Variants in RAVER2 observed in about 807,000 individuals in gnomAD.
The protein encoded by RAVER2 is ribonucleoprotein, PTB binding 2.
Under a neutral mutation model 78.1 loss-of-function variants are expected in RAVER2, and 46 were observed. The ratio of observed to expected loss-of-function variants is 0.59; its 90% CI spans 0.46 to 0.75. RAVER2 has a LOEUF of 0.75. RAVER2 is among the 30% of genes least tolerant of loss of function. The pLI is 0.00. For missense variants in RAVER2, 793 were observed against 837.5 expected, an observed-to-expected ratio of 0.95 and a Z score of 0.66; for synonymous variants, 311 against 313.3, an observed-to-expected ratio of 0.99 and a Z score of 0.08.
chr1:64,745,481 C>G lies in RAVER2; in HGVS notation c.249+60C>G, dbSNP rs983919905. The stretch of plus-strand genomic sequence containing the variant: ...GGGGCGGCGGGGCGGCGCTCCGTGT[C>G]CAGGCTGGGATCGGGGGCGCCTCAG... On this transcript the variant is annotated intron_variant, in intron 1 of 11. Coordinates refer to ENST00000294428, the Ensembl canonical transcript of RAVER2. The surrounding 1 kb of genome is among the most constrained non-coding windows in gnomAD (Gnocchi z 4.3). 6 of 1,461,444 alleles carry G rather than the reference C, an allele frequency of 4.1e-6. No individual in the cohort carries two copies. Among genetic ancestry groups the G allele is most frequent in the Admixed American group, 2.1e-5 (1 of 46,828 alleles). The allele number at this position is 1,461,444 out of a possible 1,614,324, so 90.5% of individuals were successfully genotyped here. A position where few individuals can be genotyped will look rare whatever the true frequency, so the allele number is the denominator to read the frequency against.
chr1:64,814,968 T>A, intron 11 of RAVER2, 128 bp downstream of exon 11: 1 of 783,966 alleles, frequency 1.3e-6, no homozygotes, highest in Non-Finnish European at 1.8e-6. Flanking sequence ...GATCTATGTA[T>A]TTCTTACTCA....
intron 2 of RAVER2, among the ~76,000 whole-genome samples, chr1:64,776,266 AAG>A (rs1652460042): frequency 1.3e-5 from 2 of 152,214 alleles, no homozygotes; most frequent in South Asian, 4.1e-4. Flanking sequence ...GTTAGAAACT[AAG>A]AGATAGCCTT....
intron 3 of RAVER2, among the ~76,000 whole-genome samples, chr1:64,779,973 C>T (rs1047480925): frequency 1.3e-5 from 2 of 151,898 alleles, no homozygotes; most frequent in Admixed American, 1.3e-4. Context: ...AAATAGCCCT[C>T]TCTGAAACTA....
intron 5 of RAVER2, among the ~76,000 whole-genome samples, chr1:64,795,029 A>G (rs529631589): frequency 3.9e-5 from 6 of 151,916 alleles, no homozygotes; most frequent in African/African-American, 1.4e-4. Context: ...TTTTTTTTAC[A>G]TATAGTTATA....
chr1:64,803,514 G>A (rs1276394737), intron 6 of RAVER2, among the ~76,000 whole-genome samples: 1 of 152,034 alleles, frequency 6.6e-6, no homozygotes, highest in African/African-American at 2.4e-5. Context: ...TTTTAAATGT[G>A]TGTTTATAGA....
intron 4 of RAVER2, among the ~76,000 whole-genome samples, chr1:64,783,343 C>T (rs1199051838): frequency 1.3e-5 from 2 of 152,188 alleles, no homozygotes; most frequent in African/African-American, 4.8e-5. Context: ...TTTACACTCC[C>T]ACCAACAGTG....
chr1:64,750,086 T>C lies in RAVER2; in HGVS notation c.249+4665T>C, dbSNP rs144731204. Among the ~76,000 whole-genome samples the C allele has an allele frequency of 2.1e-3, 326 of 152,270 alleles. 1 individual carries two copies. The highest frequency in any genetic ancestry group is 6.8e-3 in the Middle Eastern group (2 of 294). The stretch of plus-strand genomic sequence containing the variant: ...GATCAGTAATAGAGGAAACAAAACA[T>C]TCTATTGTCACTTTGGATATTATAA... On this transcript the variant is annotated intron_variant, in intron 1 of 11. Transcript: ENST00000294428.
At chr1:64,773,032 G>T (rs1461573133) in intron 2 of RAVER2, among the ~76,000 whole-genome samples, 4 of 152,086 alleles carry the variant, frequency 2.6e-5, no homozygotes, top group Non-Finnish European at 5.9e-5. Flanking sequence ...ACTGAAGAAA[G>T]GGGGATGGAT....
chr1:64,759,556 G>A lies in RAVER2; in HGVS notation c.250-9100G>A, dbSNP rs143252329. Among the ~76,000 whole-genome samples the A allele has an allele frequency of 1.1e-4, 17 of 147,830 alleles. No homozygotes were observed. The East Asian group carries it at 3.5e-3, about 30-fold the overall frequency. On this transcript the variant is annotated intron_variant, in intron 1 of 11. Transcript: ENST00000294428. Reference sequence around the variant, plus strand: ...TTTTGAGACGGAGCTTCGCTCTAACGCCCAGGCTGGAGTGCAGTGGCGCGA... The same window carrying A: ...TTTTGAGACGGAGCTTCGCTCTAACACCCAGGCTGGAGTGCAGTGGCGCGA...
chr1:64,808,999 A>G (rs1448282358), intron 9 of RAVER2, among the ~76,000 whole-genome samples: 1 of 152,170 alleles, frequency 6.6e-6, no homozygotes, highest in East Asian at 1.9e-4. Flanking sequence ...TCTGGAAAAT[A>G]AGTCCTGTGA....
intron 1 of RAVER2, among the ~76,000 whole-genome samples, chr1:64,756,594 C>T (rs1651862684): frequency 6.6e-6 from 1 of 152,128 alleles, no homozygotes; most frequent in Non-Finnish European, 1.5e-5. Flanking sequence ...CCATGTATCC[C>T]TTACCCAGTT....
At chr1:64,781,953 G>A (rs1032583490) in intron 4 of RAVER2, among the ~76,000 whole-genome samples, 1 of 151,588 alleles carries the variant, frequency 6.6e-6, no homozygotes, top group Non-Finnish European at 1.5e-5. Flanking sequence ...ACCCAGGCTG[G>A]AGTGCAGTGG....
chr1:64,781,476 A>G (rs768591288), exon 4 of RAVER2: 5 of 1,614,146 alleles, frequency 3.1e-6, no homozygotes, highest in East Asian at 2.2e-5. Flanking sequence ...AGCAGACGGT[A>G]TGACCATCAA....
intron 5 of RAVER2, among the ~76,000 whole-genome samples, chr1:64,792,260 G>T (rs956439265): frequency 6.6e-5 from 10 of 152,238 alleles, no homozygotes; most frequent in Admixed American, 2.0e-4. Context: ...TGTGGATATA[G>T]TCTAGGTCTT....
chr1:64,773,642 C>T lies in RAVER2; in HGVS notation c.317-3981C>T, dbSNP rs565672416. ...TGTAAATAGTGCTGCAATAAACATA[C>T]GTGCACATGTGTCTTTATAGTAGAA... On this transcript the variant is annotated intron_variant, in intron 2 of 11. Coordinates refer to ENST00000294428, the Ensembl canonical transcript of RAVER2. Among the ~76,000 whole-genome samples the T allele has an allele frequency of 3.3e-4, 51 of 152,268 alleles. 1 individual carries two copies. The highest frequency in any genetic ancestry group is 7.2e-4 in the Admixed American group (11 of 15,294).
intron 9 of RAVER2, among the ~76,000 whole-genome samples, chr1:64,812,423 A>G (rs1281417028): frequency 1.3e-5 from 2 of 151,772 alleles, no homozygotes; most frequent in Non-Finnish European, 2.9e-5. Context: ...AGACAGATAG[A>G]TAACAGTGTT....
chr1:64,830,026 T>C (rs1339510456), intron 11 of RAVER2, among the ~76,000 whole-genome samples: 1 of 152,204 alleles, frequency 6.6e-6, no homozygotes, highest in African/African-American at 2.4e-5. Flanking sequence ...GCAGTTTTAA[T>C]TGCAACGTGA....
intron 11 of RAVER2, 150 bp downstream of exon 11, chr1:64,814,990 T>G: frequency 3.1e-6 from 2 of 635,910 alleles, no homozygotes; most frequent in Non-Finnish European, 4.5e-6. Context: ...CATTTGAAAT[T>G]TGGGAATGTG....
intron 2 of RAVER2, among the ~76,000 whole-genome samples, chr1:64,776,378 T>C (rs1570545289): frequency 6.6e-6 from 1 of 152,220 alleles, no homozygotes; most frequent in East Asian, 1.9e-4. Context: ...GTGGGACATG[T>C]GTTAAATGAA....
Sources: gnomAD v4.1 joint callset for allele counts (sites outside exome capture counted in the v4.1 genomes callset) on GRCh38, gnomAD v4.1.1 for gene constraint, Gnocchi (gnomAD v3.1) non-coding constraint, MANE v1.5 for transcripts, NCBI Gene and HGNC (gene_info 2026-07-23, HGNC 2026-07-21) for gene names.